EPG5: variants seen among roughly 807,000 people sequenced by gnomAD.
The protein encoded by EPG5 is ectopic P granules protein 5 homolog.
EPG5 carries 159 observed loss-of-function variants against 302.7 expected under a neutral mutation model. The observed-to-expected ratio is 0.53, with a 90% CI of 0.46 to 0.60. The LOEUF (loss-of-function observed/expected upper bound fraction) is 0.60, where lower values mean the gene tolerates loss of function less well. Ranked by LOEUF, EPG5 falls within the 20% of genes least tolerant of loss-of-function variation. The pLI, the probability that EPG5 is intolerant of heterozygous loss-of-function variation, is 0.00. For synonymous variants in EPG5, 1,158 were observed against 1,136.8 expected (o/e 1.02, Z -0.37); for missense variants, 2,896 against 3,092.4 (o/e 0.94, Z 1.51).
Position 45,887,808 on chromosome 18 carries a change from C to G in EPG5, c.5052G>C (p.Thr1684=). 6.2e-7 allele frequency: 1 copy of G among 1,603,078 alleles called. No homozygotes were observed. Among genetic ancestry groups the G allele is most frequent in the South Asian group, 1.1e-5 (1 of 90,170 alleles). ...FTIVDYVSDE[T]QRHPPTRQFF... ...ACTGCCTTGTTGGGGGATGACGCTG[C>G]GTCTCATCGCTGACGTAATCCACAA... is the stretch of plus-strand genomic sequence containing the variant. Residue 1684 remains threonine (T), a synonymous_variant, in exon 29 of 44, where the codon ACG becomes ACC. Transcript: ENST00000282041.
chr18:45,899,296 G>T, intron 27 of EPG5, 108 bp downstream of exon 27: 3 of 1,288,314 alleles, frequency 2.3e-6, no homozygotes, highest in Non-Finnish European at 3.2e-6. Context: ...GTAAATGTTT[G>T]GGACACAGAC....
chr18:45,829,302 T>A, the EPG5 span: 1 of 273,714 alleles, frequency 3.7e-6, no homozygotes, highest in Non-Finnish European at 5.6e-6. Context: ...TACTCACACC[T>A]CACCCCTTCC....
intron 1 of EPG5, among the ~76,000 whole-genome samples, chr18:45,963,372 G>C (rs73436059): frequency 0.052 from 7,873 of 152,230 alleles, 255 homozygotes; most frequent in South Asian, 0.14. Flanking sequence ...GAATATAAAG[G>C]TTAAGAATCA....
downstream of EPG5, among the ~76,000 whole-genome samples, chr18:45,847,337 T>C (rs1466995654): frequency 6.6e-6 from 1 of 152,216 alleles, no homozygotes; most frequent in Non-Finnish European, 1.5e-5. Flanking sequence ...GCAATTTTTA[T>C]GGCCCTGCTC....
In EPG5 at chr18:45,904,132, CAGT is replaced by C; in HGVS notation, c.4330-18_4330-16del. On this transcript the variant is annotated splice_polypyrimidine_tract_variant and intron_variant, in intron 24 of 43. Transcript: ENST00000282041. ...ATCCACAGATCCTGAAACAGAACGACAGTACTTTAACTCTGACAGACAAGTCAT... is the reference window on the plus strand; with the variant it reads ...ATCCACAGATCCTGAAACAGAACGACACTTTAACTCTGACAGACAAGTCAT... 1 of 1,605,966 alleles carries C rather than the reference CAGT, an allele frequency of 6.2e-7. No individual in the cohort carries two copies. Among genetic ancestry groups the C allele is most frequent in the Middle Eastern group, 1.7e-4 (1 of 6,024 alleles).
At chr18:45,829,219 C>T in the EPG5 span, 31 of 915,430 alleles carry the variant, frequency 3.4e-5, no homozygotes, top group African/African-American at 1.1e-4. Context: ...AGTCAGCCTG[C>T]GGCAGAGGCA....
chr18:45,914,476 A>T (rs1378811779), intron 20 of EPG5, among the ~76,000 whole-genome samples: 1 of 152,276 alleles, frequency 6.6e-6, no homozygotes, highest in African/African-American at 2.4e-5. Context: ...TTATACACAA[A>T]GTCTAAGAGG....
At chr18:45,935,211 A>G (rs1162187228) in intron 10 of EPG5, among the ~76,000 whole-genome samples, 12 of 152,204 alleles carry the variant, frequency 7.9e-5, no homozygotes, top group African/African-American at 2.9e-4. Flanking sequence ...TGTATGTACA[A>G]TATCAACTCA....
At chr18:45,902,520 C>T (rs1402232079) in intron 25 of EPG5, among the ~76,000 whole-genome samples, 3 of 152,190 alleles carry the variant, frequency 2.0e-5, no homozygotes, top group Non-Finnish European at 2.9e-5. Context: ...TCATATTTAA[C>T]AGTAATCACC....
chr18:45,955,096 G>C lies in EPG5; in HGVS notation c.306C>G (p.Pro102=). The part of the protein sequence containing the change: ...NEESLTCNTE[P]PKEGGEARPC... ...GTCTGGCCTCTCCCCCTTCCTTTGG[G>C]GGCTCTGTGTTACACGTCAGGGACT... The change falls in exon 2 of 44, where the codon CCC becomes CCG. Residue 102 remains proline (P), a synonymous_variant. Coordinates refer to ENST00000282041, the MANE Select transcript of EPG5 (RefSeq NM_020964.3). 1 of 1,613,878 alleles carries C rather than the reference G, an allele frequency of 6.2e-7. No homozygotes were observed. Among genetic ancestry groups the C allele is most frequent in the South Asian group, 1.1e-5 (1 of 91,052 alleles).
At chr18:45,966,372 T>C (rs996337059) in intron 1 of EPG5, among the ~76,000 whole-genome samples, 6 of 129,998 alleles carry the variant, frequency 4.6e-5, no homozygotes, top group Non-Finnish European at 7.7e-5. Flanking sequence ...CAAGACTCTG[T>C]CTCAAAAAAA....
intron 20 of EPG5, among the ~76,000 whole-genome samples, chr18:45,914,271 T>C (rs1170861030): frequency 2.0e-5 from 3 of 152,152 alleles, no homozygotes; most frequent in African/African-American, 7.2e-5. Context: ...TATGTAGATG[T>C]CAGAGGGAAA....
the EPG5 span, among the ~76,000 whole-genome samples, chr18:45,824,532 G>A: frequency 6.6e-6 from 1 of 152,218 alleles, no homozygotes. Flanking sequence ...GTCATGAAAG[G>A]GTTTTAAGCA....
chr18:45,900,495 C>T (rs11082497), intron 26 of EPG5, among the ~76,000 whole-genome samples: 27,141 of 151,628 alleles, frequency 0.18, 2,706 homozygotes, highest in Admixed American at 0.3. Context: ...ACTCCACGTA[C>T]GCTCCTTCTC....
chr18:45,916,309 T>C (rs1006670418), intron 18 of EPG5, 103 bp from the exon 19 acceptor site: 100 of 1,517,606 alleles, frequency 6.6e-5, no homozygotes, highest in Non-Finnish European at 8.1e-5. Context: ...CCCAAATCTA[T>C]TGCCTTTCTT....
chr18:45,880,254 T>A, intron 31 of EPG5, 31 bp from the exon 32 acceptor site: 2 of 1,534,130 alleles, frequency 1.3e-6, no homozygotes, highest in Non-Finnish European at 1.8e-6. Flanking sequence ...AGCAAGTCAG[T>A]GGCTTTCCCG....
At chr18:45,876,799 TGAGA>T (rs1180748410) in intron 34 of EPG5, among the ~76,000 whole-genome samples, 1 of 151,880 alleles carries the variant, frequency 6.6e-6, no homozygotes, top group Non-Finnish European at 1.5e-5. Context: ...TTTTTTTTTT[TGAGA>T]GAGAGAGTCT....
the EPG5 span, among the ~76,000 whole-genome samples, chr18:45,811,994 A>G: frequency 1.3e-5 from 2 of 152,198 alleles, no homozygotes; most frequent in Admixed American, 1.3e-4. Flanking sequence ...TTTGCAGATG[A>G]CATGATTGTA....
intron 8 of EPG5, among the ~76,000 whole-genome samples, chr18:45,943,634 G>C (rs1486317254): frequency 1.3e-5 from 2 of 152,114 alleles, no homozygotes; most frequent in Non-Finnish European, 2.9e-5. Context: ...CAAGAAGTAA[G>C]ACTCGGGCCA....
Sources: gnomAD v4.1 joint callset for allele counts (sites outside exome capture counted in the v4.1 genomes callset) on GRCh38, gnomAD v4.1.1 for gene constraint, MANE v1.5 for transcripts, NCBI Gene and HGNC (gene_info 2026-07-23, HGNC 2026-07-21) for gene names.